The following SELENOS variants were observed in gnomAD, a reference collection of about 807,000 sequenced individuals.
SELENOS encodes the protein VCP interacting membrane selenoprotein.
SELENOS carries 37 observed loss-of-function variants against 30.2 expected under a neutral mutation model. The ratio of observed to expected loss-of-function variants is 1.23; its 90% confidence interval spans 0.94 to 1.61. The LOEUF (loss-of-function observed/expected upper bound fraction) is 1.61. Ranked by LOEUF, SELENOS falls within the 40% of genes most tolerant of loss-of-function variation. The pLI is 0.00. For synonymous variants in SELENOS, 119 were observed against 91.6 expected, an observed-to-expected ratio of 1.30 and a Z score of -1.71; for missense variants, 289 against 231.8, an observed-to-expected ratio of 1.25 and a Z score of -1.60.
downstream of SELENOS, among the ~76,000 whole-genome samples, chr15:101,271,929 A>G (rs561835079): frequency 2.6e-5 from 4 of 152,374 alleles, no homozygotes; most frequent in African/African-American, 7.2e-5. Context: ...AACTGCTGAT[A>G]GTGCCTCTGG....
At chr15:101,273,493 G>C (rs979674029) in intron 5 of SELENOS, among the ~76,000 whole-genome samples, 14 of 152,302 alleles carry the variant, frequency 9.2e-5, no homozygotes, top group African/African-American at 3.4e-4. Flanking sequence ...AAAAGTCCCA[G>C]CTCAGAAATG....
At chr15:101,276,721 G>C (rs552650914) in intron 1 of SELENOS, 46 bp from the exon 2 acceptor site, 1 of 1,586,480 alleles carries the variant, frequency 6.3e-7, no homozygotes, top group Non-Finnish European at 8.6e-7. Context: ...GACACTACTA[G>C]TTGACCTTTC....
Position 101,276,673 on chromosome 15 carries a change from C to A in SELENOS, c.79G>T (p.Gly27Cys). 6.3e-7 allele frequency: 1 copy of A among 1,599,790 alleles called. No individual in the cohort carries two copies. Among genetic ancestry groups the A allele is most frequent in the Admixed American group, 1.8e-5 (1 of 55,042 alleles). Residue 27 changes from glycine to cysteine, a missense_variant and splice_region_variant, in exon 2 of 6, where the codon GGC becomes TGC. Transcript: ENST00000526049. ...EGLRFLHTTV[G>C]SLLATYGWYI... is the part of the protein sequence containing the mutation. ...CAGCCATAGGTGGCCAGCAGGGAGC[C>A]CACTGAAAAGAAAAACAGTTTTCAA... is the stretch of plus-strand genomic sequence containing the variant.
At position 101,277,146 on chromosome 15, in the gene SELENOS, C is replaced by T. The variant is rs1415241528; in HGVS notation, c.76+196G>A. 3 of 948,694 alleles carry T rather than the reference C, an allele frequency of 3.2e-6. No homozygotes were observed. In the East Asian group the frequency reaches 7.9e-5, roughly 25 times the overall value. 58.8% of individuals were successfully genotyped at this position (948,694 alleles called of 1,614,324 possible). A position where few individuals can be genotyped will look rare whatever the true frequency, so the allele number is the denominator to read the frequency against. Reference sequence around the variant, plus strand: ...GCGCAAACAAGGGACAGCCGAGCCGCCCAGGGAAGTGCGGCTCCCGAGAAG... The same window carrying T: ...GCGCAAACAAGGGACAGCCGAGCCGTCCAGGGAAGTGCGGCTCCCGAGAAG... On this transcript the variant is annotated intron_variant, in intron 1 of 5. Coordinates refer to ENST00000526049, the MANE Select transcript of SELENOS (RefSeq NM_018445.6).
chr15:101,277,444 C>A lies in SELENOS; in HGVS notation c.-27G>T. The A allele has an allele frequency of 4.2e-6, 6 of 1,429,664 alleles. No individual in the cohort carries two copies. The highest frequency in any genetic ancestry group is 5.5e-6 in the Non-Finnish European group (6 of 1,100,664). 88.6% of individuals were successfully genotyped at this position (1,429,664 alleles called of 1,614,324 possible). ...ACCGCCGCCGCCGCCGCCGCCCAGC[C>A]CTGCCGCCGCGCCTCCAGCCGGGCG... On this transcript the variant is annotated 5_prime_UTR_variant, in exon 1 of 6. Transcript: ENST00000526049.
chr15:101,277,375 C>A lies in SELENOS; in HGVS notation c.43G>T (p.Glu15Ter). The A allele has an allele frequency of 1.3e-6, 2 of 1,507,828 alleles. No homozygotes were observed. The highest frequency in any genetic ancestry group is 1.8e-6 in the Non-Finnish European group (2 of 1,135,848). 93.4% of individuals were successfully genotyped at this position (1,507,828 alleles called of 1,614,324 possible). ...EESLSARPALETEGLRFLHTT... is the reference protein window; with the variant it reads ...EESLSARPAL ...TGCAGGAAGCGCAGCCCCTCGGTCT[C>A]CAGGGCCGGCCGCGCGGACAGAGAC... is the stretch of plus-strand genomic sequence containing the variant. Residue 15 changes from glutamate (E) to a stop codon, truncating the protein, a stop_gained, in exon 1 of 6, where the codon GAG becomes TAG. Transcript: ENST00000526049. LOFTEE classifies it high-confidence loss of function.
chr15:101,274,892 T>C, intron 3 of SELENOS: 1 of 606,922 alleles, frequency 1.6e-6, no homozygotes, highest in Non-Finnish European at 2.8e-6. Context: ...GAAAGCAAAA[T>C]GTTTCATGAA....
chr15:101,274,048 T>A (rs777869133), intron 5 of SELENOS: 9 of 290,344 alleles, frequency 3.1e-5, no homozygotes, highest in Non-Finnish European at 6.0e-5. Context: ...GGAAGCAGCT[T>A]TGGATGAGCA....
At chr15:101,277,055 C>T (rs1214268133) in intron 1 of SELENOS, 1 of 617,098 alleles carries the variant, frequency 1.6e-6, no homozygotes, top group Admixed American at 2.5e-5. Context: ...GTCCCAGAGG[C>T]AAACGCCAAC....
chr15:101,274,818 G>A (rs2039307008), intron 3 of SELENOS, 137 bp from the exon 4 acceptor site: 2 of 927,328 alleles, frequency 2.2e-6, no homozygotes, highest in Non-Finnish European at 3.2e-6. Context: ...TAATAAAACT[G>A]TTGTGATCTG....
chr15:101,274,917 C>T, intron 3 of SELENOS: 1 of 593,626 alleles, frequency 1.7e-6, no homozygotes, highest in East Asian at 2.9e-5. Context: ...ATTACTGACT[C>T]CATTCTTCTG....
Position 101,274,190 on chromosome 15 carries a change from C to G in SELENOS, c.484+230G>C, listed in dbSNP as rs948560765. 5 of 584,256 alleles carry G rather than the reference C, an allele frequency of 8.6e-6. No homozygotes were observed. In the African/African-American group the frequency reaches 9.3e-5, roughly 11 times the overall value. 36.2% of individuals were successfully genotyped at this position (584,256 alleles called of 1,614,324 possible). A position where few individuals can be genotyped will look rare whatever the true frequency, so the allele number is the denominator to read the frequency against. ...AATTCCTCACCCTACTTAGCTCTCC[C>G]TCTACGGGGCTGCAGAAGGATCAAG... On this transcript the variant is annotated intron_variant, in intron 5 of 5. Coordinates refer to ENST00000526049, the MANE Select transcript of SELENOS (RefSeq NM_018445.6).
intron 1 of SELENOS, chr15:101,277,121 G>A (rs1485114916): frequency 2.5e-6 from 2 of 813,794 alleles, no homozygotes; most frequent in Admixed American, 2.1e-5. Flanking sequence ...AAAAAGACTT[G>A]CGCAAACAAG....
chr15:101,271,427 C>G (rs937978984), downstream of SELENOS: 1 of 152,260 alleles, frequency 6.6e-6, no homozygotes, highest in Non-Finnish European at 1.5e-5. Flanking sequence ...CTCTCTTTGA[C>G]CTGAAACCCC....
intron 1 of SELENOS, chr15:101,276,968 CA>C: frequency 1.9e-6 from 1 of 526,960 alleles, no homozygotes. Context: ...ATCAGGAAGG[CA>C]AAGGCCTTTC....
chr15:101,271,507 ATTTG>A (rs1373384450), downstream of SELENOS: 2 of 152,168 alleles, frequency 1.3e-5, no homozygotes, highest in East Asian at 3.8e-4. Flanking sequence ...ATGCCAACCT[ATTTG>A]TTTGTAATTA....
At position 101,272,507 on chromosome 15, in the gene SELENOS, G is replaced by T; in HGVS notation, c.*264C>A. The T allele has an allele frequency of 2.4e-6, 1 of 408,190 alleles. No individual in the cohort carries two copies. The highest frequency in any genetic ancestry group is 4.5e-6 in the Non-Finnish European group (1 of 222,872). The allele number at this position is 408,190 out of a possible 1,614,324, so 25.3% of individuals were successfully genotyped here. A position where few individuals can be genotyped will look rare whatever the true frequency, so the allele number is the denominator to read the frequency against. On this transcript the variant is annotated 3_prime_UTR_variant, in exon 6 of 6. Coordinates refer to ENST00000526049, the MANE Select transcript of SELENOS (RefSeq NM_018445.6). ...TATCAAGATTGCTAATCATCTAGAG[G>T]CCTTTACCTACCAACTAGCAATTAA...
chr15:101,270,931 G>C (rs1246664600), downstream of SELENOS: 1 of 152,136 alleles, frequency 6.6e-6, no homozygotes, highest in African/African-American at 2.4e-5. Context: ...TAGATGCAAG[G>C]GGGGCATGCA....
At chr15:101,276,414 A>ATTTTTTTTT in intron 2 of SELENOS, 127 bp downstream of exon 2, 1 of 974,752 alleles carries the variant, frequency 1.0e-6, no homozygotes, top group African/African-American at 1.7e-5. Context: ...ACTCCCGGCT[A>ATTTTTTTTT]TTTTTTTTTT....
Sources: gnomAD v4.1 joint callset for allele counts (sites outside exome capture counted in the v4.1 genomes callset) on GRCh38, gnomAD v4.1.1 for gene constraint, MANE v1.5 for transcripts, NCBI Gene and HGNC (gene_info 2026-07-23, HGNC 2026-07-21) for gene names.